ASB5: variants seen among roughly 807,000 people sequenced by gnomAD.
ASB5 encodes ankyrin repeat and SOCS box containing 5.
Under a neutral mutation model 42.1 loss-of-function variants are expected in ASB5, and 45 were observed. The observed-to-expected ratio is 1.07, with a 90% CI of 0.84 to 1.37. The LOEUF (loss-of-function observed/expected upper bound fraction) is 1.37. ASB5 is among the 40% of genes most tolerant of loss of function. The probability of loss-of-function intolerance (pLI) is 0.00; values close to 1 mark genes in which losing one functional copy is unlikely to be tolerated. For synonymous variants in ASB5, 147 were observed against 150.6 expected (o/e 0.98, Z 0.18); for missense variants, 402 against 399.8 (o/e 1.01, Z -0.05).
At chr4:176,269,661 TACA>T (rs949603023), upstream of ASB5, among the ~76,000 whole-genome samples, 1 of 152,216 alleles carries the variant, frequency 6.6e-6, no homozygotes, top group Non-Finnish European at 1.5e-5. Context: ...ACATTTTTCT[TACA>T]AGTCATTACA....
chr4:176,229,570 TA>T (rs1395717360), intron 1 of ASB5, among the ~76,000 whole-genome samples: 1 of 152,094 alleles, frequency 6.6e-6, no homozygotes, highest in African/African-American at 2.4e-5. Flanking sequence ...GAAACATAAG[TA>T]TCCAAATCGC....
chr4:176,269,173 C>A lies in ASB5; in HGVS notation c.-65G>T. 5 of 1,461,692 alleles carry A rather than the reference C, an allele frequency of 3.4e-6. No individual in the cohort carries two copies. In the South Asian group the frequency reaches 6.4e-5, roughly 19 times the overall value. 90.5% of individuals were successfully genotyped at this position (1,461,692 alleles called of 1,614,324 possible). On this transcript the variant is annotated 5_prime_UTR_variant, in exon 1 of 7. Transcript: ENST00000296525. ...AGTCTCAAATGTGCCTGGCTCTCGTCCGGGATGCTCCTGAACAGCTGGTCC... is the reference window on the plus strand; with the variant it reads ...AGTCTCAAATGTGCCTGGCTCTCGTACGGGATGCTCCTGAACAGCTGGTCC...
At chr4:176,215,840 T>C (rs1007875681) in intron 6 of ASB5, 113 bp from the exon 7 acceptor site, 1 of 981,762 alleles carries the variant, frequency 1.0e-6, no homozygotes, top group Non-Finnish European at 1.5e-6. Flanking sequence ...AAACCTAGGA[T>C]AGCATGACCA....
intron 1 of ASB5, among the ~76,000 whole-genome samples, chr4:176,257,568 C>CATA: frequency 6.6e-6 from 1 of 152,146 alleles, no homozygotes; most frequent in Non-Finnish European, 1.5e-5. Flanking sequence ...AGAGGGAGTA[C>CATA]CTGCAAAAAC....
At position 176,274,964 on chromosome 4, in the gene ASB5, G is replaced by A. The variant is rs927476308; in HGVS notation, c.-90+832C>T. Among the ~76,000 whole-genome samples, 4 of 145,188 alleles carry A rather than the reference G, an allele frequency of 2.8e-5. No homozygotes were observed. The East Asian group carries it at 6.0e-4, about 22-fold the overall frequency. The stretch of plus-strand genomic sequence containing the variant: ...GAGTCTTACTCTGTCGCCCAGGCTG[G>A]AGTGCAGTGGCACTATCTGGGCTCA... On this transcript the variant is annotated intron_variant, in intron 2 of 2. Coordinates refer to the ASB5 transcript ENST00000505299.
At chr4:176,275,652 G>T (rs1754550822) in intron 2 of ASB5, 1 of 152,232 alleles carries the variant, frequency 6.6e-6, no homozygotes, top group Non-Finnish European at 1.5e-5. Flanking sequence ...GGGGCTGCAG[G>T]AGTCACTCTG....
chr4:176,272,397 G>A (rs1269188885), upstream of ASB5, among the ~76,000 whole-genome samples: 1 of 152,162 alleles, frequency 6.6e-6, no homozygotes, highest in African/African-American at 2.4e-5. Context: ...GAAGTTCACT[G>A]ATGACCTTCA....
At chr4:176,230,360 T>G (rs937156900) in intron 1 of ASB5, among the ~76,000 whole-genome samples, 2 of 152,188 alleles carry the variant, frequency 1.3e-5, no homozygotes, top group Non-Finnish European at 2.9e-5. Context: ...ATTGAGTGAT[T>G]TATAAATATA....
At chr4:176,232,215 CA>C (rs1753567610) in intron 1 of ASB5, among the ~76,000 whole-genome samples, 1 of 151,564 alleles carries the variant, frequency 6.6e-6, no homozygotes, top group Admixed American at 6.6e-5. Context: ...CTCCACCTCC[CA>C]GGTTCCAGTG....
At chr4:176,221,868 T>C (rs1753222303) in intron 3 of ASB5, among the ~76,000 whole-genome samples, 1 of 152,136 alleles carries the variant, frequency 6.6e-6, no homozygotes, top group Non-Finnish European at 1.5e-5. Flanking sequence ...AAATAAGATC[T>C]AATTCAATGA....
chr4:176,245,041 C>T (rs1475910590), intron 1 of ASB5, among the ~76,000 whole-genome samples: 1 of 152,182 alleles, frequency 6.6e-6, no homozygotes, highest in Non-Finnish European at 1.5e-5. Flanking sequence ...CCCCTAAAGC[C>T]AGCTCTTCAG....
At chr4:176,229,427 C>T (rs1753466125) in intron 1 of ASB5, among the ~76,000 whole-genome samples, 1 of 152,160 alleles carries the variant, frequency 6.6e-6, no homozygotes. Context: ...TTCTCCCTTG[C>T]ATACTAATGT....
intron 1 of ASB5, chr4:176,249,380 C>A (rs1003941497): frequency 6.6e-6 from 1 of 152,066 alleles, no homozygotes; most frequent in African/African-American, 2.4e-5. Flanking sequence ...ACAAAAAGAT[C>A]CCAGGTAAAA....
intron 1 of ASB5, among the ~76,000 whole-genome samples, chr4:176,264,228 G>A (rs1310322402): frequency 2.0e-5 from 3 of 152,152 alleles, no homozygotes; most frequent in Non-Finnish European, 2.9e-5. Flanking sequence ...ACAGAGACAC[G>A]TTATCTTGAT....
intron 5 of ASB5, among the ~76,000 whole-genome samples, chr4:176,218,048 T>C (rs1353262170): frequency 6.6e-6 from 1 of 150,380 alleles, no homozygotes; most frequent in Non-Finnish European, 1.5e-5. Flanking sequence ...AGCATAAACT[T>C]TGTTGGTTAT....
intron 2 of ASB5, among the ~76,000 whole-genome samples, chr4:176,275,290 G>T (rs749577892): frequency 1.3e-5 from 2 of 152,020 alleles, no homozygotes; most frequent in Non-Finnish European, 2.9e-5. Context: ...TAAAATATAT[G>T]ATTTACCCTG....
At chr4:176,235,421 A>T (rs1196758120) in intron 1 of ASB5, among the ~76,000 whole-genome samples, 1 of 152,196 alleles carries the variant, frequency 6.6e-6, no homozygotes, top group African/African-American at 2.4e-5. Context: ...AGATACAATC[A>T]TAGTGTTTGT....
In ASB5 at chr4:176,215,573, C is replaced by T. The variant is rs185902453; in HGVS notation, c.*27G>A. 169 of 1,593,646 alleles carry T rather than the reference C, an allele frequency of 1.1e-4. No homozygotes were observed. The African/African-American group carries it at 2.0e-3, about 19-fold the overall frequency. The stretch of plus-strand genomic sequence containing the variant: ...CAAAAGAAATAGAAATTTTGATTTT[C>T]AAGGTATTTAGAATTACTTTACTGT... On this transcript the variant is annotated 3_prime_UTR_variant, in exon 7 of 7. Coordinates refer to ENST00000296525, the MANE Select transcript of ASB5 (RefSeq NM_080874.4).
chr4:176,232,249 A>G (rs1753568562), intron 1 of ASB5, among the ~76,000 whole-genome samples: 1 of 151,682 alleles, frequency 6.6e-6, no homozygotes, highest in African/African-American at 2.4e-5. Context: ...CAGCCACCCA[A>G]GTAGCTAGGA....
Sources: gnomAD v4.1 joint callset for allele counts (sites outside exome capture counted in the v4.1 genomes callset) on GRCh38, gnomAD v4.1.1 for gene constraint, MANE v1.5 for transcripts, NCBI Gene and HGNC (gene_info 2026-07-23, HGNC 2026-07-21) for gene names.